DIPK2B: variants seen among roughly 807,000 people sequenced by gnomAD.
DIPK2B encodes the protein UPF0672 protein CXorf36.
Under a neutral mutation model 22.2 loss-of-function variants are expected in DIPK2B, and 15 were observed. That is an observed-to-expected ratio of 0.68 (90% CI 0.45 to 1.04). DIPK2B has a LOEUF of 1.04. Ranked by LOEUF, DIPK2B falls within the 50% of genes least tolerant of loss-of-function variation. The probability of loss-of-function intolerance (pLI) is 0.00; values close to 1 mark genes in which losing one functional copy is unlikely to be tolerated. For synonymous variants in DIPK2B, 163 were observed against 153.2 expected, an observed-to-expected ratio of 1.06 and a Z score of -0.47; for missense variants, 345 against 348.3, an observed-to-expected ratio of 0.99 and a Z score of 0.08.
chrX:45,171,414 C>T (rs939807378), intron 2 of DIPK2B, among the ~76,000 whole-genome samples: 9 of 111,413 alleles, frequency 8.1e-5, no homozygotes, highest in Non-Finnish European at 1.5e-4. Context: ...CTGCCCCAGA[C>T]CTGCTGAATT....
At chrX:45,167,307 A>G (rs891350524) in intron 2 of DIPK2B, among the ~76,000 whole-genome samples, 2 of 110,267 alleles carry the variant, frequency 1.8e-5, no homozygotes, top group East Asian at 5.8e-4. Flanking sequence ...TCTGGGCAAC[A>G]TAGGGAGACC....
At chrX:45,184,735 G>A (rs193120984) in intron 2 of DIPK2B, among the ~76,000 whole-genome samples, 1 of 111,851 alleles carries the variant, frequency 8.9e-6, no homozygotes, top group Non-Finnish European at 1.9e-5. Flanking sequence ...ATTAATGACC[G>A]AACTTGTGTC....
At chrX:45,158,669 T>C (rs867178567) in intron 2 of DIPK2B, among the ~76,000 whole-genome samples, 59 of 111,316 alleles carry the variant, frequency 5.3e-4, no homozygotes, top group African/African-American at 1.8e-3. Context: ...AACAAGGCCC[T>C]GAGGCCAGCC....
intron 2 of DIPK2B, among the ~76,000 whole-genome samples, chrX:45,162,127 C>T (rs776768063): frequency 4.5e-5 from 5 of 111,147 alleles, no homozygotes; most frequent in Non-Finnish European, 9.4e-5. Flanking sequence ...AGATCCCCCA[C>T]TCACCACAGC....
intron 2 of DIPK2B, chrX:45,162,834 G>C (rs918753861): frequency 1.3e-6 from 1 of 752,515 alleles, no homozygotes; most frequent in Non-Finnish European, 1.6e-6. Context: ...ACCAGTCAAT[G>C]TCTCTATTGA....
intron 2 of DIPK2B, among the ~76,000 whole-genome samples, chrX:45,186,696 G>A (rs2047184678): frequency 8.9e-6 from 1 of 112,160 alleles, no homozygotes; most frequent in South Asian, 3.7e-4. Flanking sequence ...AACCAGCTGT[G>A]AATCCAACAT....
intron 2 of DIPK2B, among the ~76,000 whole-genome samples, chrX:45,190,026 GA>G (rs749257158): frequency 3.6e-5 from 4 of 112,039 alleles, no homozygotes; most frequent in Non-Finnish European, 7.5e-5. Context: ...AATGCAAGAT[GA>G]CAAAATTGCT....
chrX:45,169,112 G>T (rs1354488246), intron 2 of DIPK2B, among the ~76,000 whole-genome samples: 1 of 111,514 alleles, frequency 9.0e-6, no homozygotes, highest in African/African-American at 3.3e-5. Context: ...AGTGAATGGG[G>T]CTGGTTTTAA....
In DIPK2B at chrX:45,166,175, A is replaced by G. The variant is rs2047047834; in HGVS notation, c.499-8287T>C. On this transcript the variant is annotated intron_variant, in intron 2 of 4. Coordinates refer to ENST00000398000, the MANE Select transcript of DIPK2B (RefSeq NM_176819.4). ...GGCAATGCTATGGAAAGAAGCAGAG[A>G]TGCCATGAGTGAGGGTGATTGGGGG... Among the ~76,000 whole-genome samples the G allele has an allele frequency of 2.7e-5, 3 of 111,861 alleles. No homozygotes were observed. The South Asian group carries it at 1.1e-3, about 41-fold the overall frequency.
Position 45,151,379 on chromosome X carries a change from T to G in DIPK2B, c.*273A>C. The G allele has an allele frequency of 5.4e-6, 2 of 367,999 alleles. No individual in the cohort carries two copies. Among genetic ancestry groups the G allele is most frequent in the Non-Finnish European group, 9.4e-6 (2 of 212,431 alleles). 30.3% of individuals were successfully genotyped at this position (367,999 alleles called of 1,213,427 possible). A position where few individuals can be genotyped will look rare whatever the true frequency, so the allele number is the denominator to read the frequency against. On this transcript the variant is annotated 3_prime_UTR_variant, in exon 5 of 5. Transcript: ENST00000398000. ...GTGTCTTCTTTCACCCTCAGGAGAG[T>G]CTGGTGGAGAACAGAGGAAACTGAG...
chrX:45,175,717 G>A lies in DIPK2B; in HGVS notation c.498+16034C>T, dbSNP rs754437984. 1.4e-3 allele frequency among the ~76,000 whole-genome samples: 138 copies of A among 99,220 alleles called. 2 individuals carry two copies. The highest frequency in any genetic ancestry group is 8.8e-4 in the Non-Finnish European group (43 of 49,139). 86.2% of individuals were successfully genotyped at this position (99,220 alleles called of 115,157 possible). A position where few individuals can be genotyped will look rare whatever the true frequency, so the allele number is the denominator to read the frequency against. ...TATACATACATATATGTGTGTATAT[G>A]TACATATATGTATGTATACTTTATA... On this transcript the variant is annotated intron_variant, in intron 2 of 4. Transcript: ENST00000398000.
chrX:45,167,561 GA>G (rs2047055692), intron 2 of DIPK2B, among the ~76,000 whole-genome samples: 1 of 106,727 alleles, frequency 9.4e-6, no homozygotes, highest in African/African-American at 3.4e-5. Context: ...TACAGTACAT[GA>G]ATTTTTTTTC....
intron 2 of DIPK2B, among the ~76,000 whole-genome samples, chrX:45,175,219 C>T (rs2047110550): frequency 9.0e-6 from 1 of 111,028 alleles, no homozygotes; most frequent in Non-Finnish European, 1.9e-5. Flanking sequence ...GTCTCAAAGA[C>T]CTAACATGAA....
intron 2 of DIPK2B, among the ~76,000 whole-genome samples, chrX:45,187,154 A>G (rs1018646207): frequency 1.8e-5 from 2 of 111,837 alleles, no homozygotes; most frequent in African/African-American, 3.3e-5. Context: ...TGCTTAGAAC[A>G]ATGTCAGATC....
chrX:45,167,558 C>T (rs1266560786), intron 2 of DIPK2B, among the ~76,000 whole-genome samples: 1 of 102,577 alleles, frequency 9.7e-6, no homozygotes, highest in African/African-American at 3.6e-5. Flanking sequence ...TACTACAGTA[C>T]ATGAATTTTT....
intron 1 of DIPK2B, 129 bp from the exon 2 acceptor site, chrX:45,192,144 C>T: frequency 1.4e-6 from 1 of 693,160 alleles, no homozygotes; most frequent in Non-Finnish European, 2.1e-6. Context: ...GTTCGAAATT[C>T]TTTCTGTGAG....
chrX:45,188,255 T>G (rs2047194404), intron 2 of DIPK2B, among the ~76,000 whole-genome samples: 1 of 112,260 alleles, frequency 8.9e-6, no homozygotes, highest in Admixed American at 9.4e-5. Context: ...CATCTCTTAT[T>G]CCAGCTGAGA....
At chrX:45,156,233 A>G (rs752904662) in intron 3 of DIPK2B, among the ~76,000 whole-genome samples, 4 of 109,905 alleles carry the variant, frequency 3.6e-5, no homozygotes, top group Non-Finnish European at 7.6e-5. Context: ...CAGCCTCCCA[A>G]AGTGTTGGGA....
chrX:45,163,428 T>C, intron 2 of DIPK2B: 7 of 754,303 alleles, frequency 9.3e-6, no homozygotes, highest in Non-Finnish European at 1.1e-5. Context: ...TGGACAGCAA[T>C]GAAGACCGAA....
Sources: gnomAD v4.1 joint callset for allele counts (sites outside exome capture counted in the v4.1 genomes callset) on GRCh38, gnomAD v4.1.1 for gene constraint, MANE v1.5 for transcripts, NCBI Gene and HGNC (gene_info 2026-07-23, HGNC 2026-07-21) for gene names.